TENM3: variants seen among roughly 807,000 people sequenced by gnomAD.
The protein encoded by TENM3 is teneurin transmembrane protein 3, also known as teneurin-3.
In TENM3, 63 loss-of-function variants were observed where a neutral mutation model predicts 255.1. That is an observed-to-expected ratio of 0.25 (90% confidence interval 0.20 to 0.30). The LOEUF is 0.30. Ranked by LOEUF, TENM3 falls within the 10% of genes least tolerant of loss-of-function variation. The pLI, the probability that TENM3 is intolerant of heterozygous loss-of-function variation, is 1.00. For synonymous variants in TENM3, 1,306 were observed against 1,322.3 expected, an observed-to-expected ratio of 0.99 and a Z score of 0.27; for missense variants, 2,929 against 3,461.1, an observed-to-expected ratio of 0.85 and a Z score of 3.86.
the TENM3 span, among the ~76,000 whole-genome samples, chr4:182,013,758 T>G: frequency 6.6e-6 from 1 of 152,000 alleles, no homozygotes; most frequent in Non-Finnish European, 1.5e-5. Context: ...TACATTTATA[T>G]TTTCATTTGA....
chr4:182,691,201 A>C (rs1205467815), intron 12 of TENM3, among the ~76,000 whole-genome samples: 3 of 152,226 alleles, frequency 2.0e-5, no homozygotes, highest in African/African-American at 7.2e-5. Flanking sequence ...GTGTTTTCTC[A>C]CTTGGGATGG....
intron 11 of TENM3, among the ~76,000 whole-genome samples, chr4:182,682,411 C>T (rs1561103073): frequency 6.6e-6 from 1 of 152,100 alleles, no homozygotes; most frequent in Non-Finnish European, 1.5e-5. Flanking sequence ...TAAGGCTAAA[C>T]ATCACAGTAA....
intron 4 of TENM3, among the ~76,000 whole-genome samples, chr4:182,612,009 T>G (rs920236163): frequency 6.6e-6 from 1 of 152,098 alleles, no homozygotes; most frequent in Non-Finnish European, 1.5e-5. Context: ...GGCTCATGCC[T>G]GAATTCCCAG....
intron 3 of TENM3, among the ~76,000 whole-genome samples, chr4:182,359,656 G>C (rs4862041): frequency 0.68 from 87,892 of 129,204 alleles, 31,803 homozygotes; most frequent in East Asian, 0.95. Flanking sequence ...TTTGTTGATT[G>C]TTTCAAAAAA....
At chr4:182,066,768 G>A in the TENM3 span, among the ~76,000 whole-genome samples, 17 of 151,860 alleles carry the variant, frequency 1.1e-4, no homozygotes, top group South Asian at 4.2e-4. Context: ...AAAATTAGCC[G>A]GGCGTGGTGG....
the TENM3 span, among the ~76,000 whole-genome samples, chr4:181,868,686 T>C: frequency 6.6e-6 from 1 of 152,334 alleles, no homozygotes. Flanking sequence ...ACTGATTAAA[T>C]TGGTAATTAA....
intron 1 of TENM3, among the ~76,000 whole-genome samples, chr4:182,314,051 G>T (rs1762600903): frequency 6.6e-6 from 1 of 152,136 alleles, no homozygotes; most frequent in African/African-American, 2.4e-5. Context: ...GGTGGCTCAT[G>T]CCTGTAATCC....
intron 3 of TENM3, among the ~76,000 whole-genome samples, chr4:182,526,392 T>C (rs1349496592): frequency 6.6e-6 from 1 of 152,152 alleles, no homozygotes; most frequent in Non-Finnish European, 1.5e-5. Context: ...AGTAGTGCTG[T>C]ACATAGTCTA....
Position 182,679,769 on chromosome 4 carries a change from T to G in TENM3, c.1430T>G (p.Leu477Arg). 1 of 1,613,986 alleles carries G rather than the reference T, an allele frequency of 6.2e-7. No individual in the cohort carries two copies. The change falls in exon 8 of 28, where the codon CTT (leucine) becomes CGT (arginine). Residue 477 changes from leucine (L) to arginine (R), a missense_variant. Leu to Arg is a moderately radical substitution (Grantham distance 102). Around this residue, in one of 6 missense-constraint regions of TENM3, gnomAD observed 1,608 missense variants for 1,884.4 expected, o/e 0.85. Transcript: ENST00000511685. ...GGGCGGCAGGCGAGATCCGTCAGCC[T>G]TCATGAGGCCGGCTTTATCCAGTAC... The part of the protein sequence containing the change: ...RAGRQARSVS[L>R]HEAGFIQYLD...
the TENM3 span, among the ~76,000 whole-genome samples, chr4:182,100,784 C>T: frequency 7.6e-4 from 8 of 10,502 alleles, no homozygotes; most frequent in Non-Finnish European, 8.3e-4. Flanking sequence ...CATATATATA[C>T]ACATATATAT....
chr4:182,346,068 T>TATACATAC (rs60234584), intron 2 of TENM3, among the ~76,000 whole-genome samples: 9,914 of 149,310 alleles, frequency 0.066, 343 homozygotes, highest in African/African-American at 0.074. Flanking sequence ...CACACACATA[T>TATACATAC]ATACATACAT....
At chr4:182,458,704 T>C (rs2124985) in intron 3 of TENM3, among the ~76,000 whole-genome samples, 119,516 of 152,162 alleles carry the variant, frequency 0.79, 47,844 homozygotes, top group East Asian at 0.95. Flanking sequence ...ACTGGGTTAG[T>C]TTATTTTTCC....
intron 6 of TENM3, among the ~76,000 whole-genome samples, chr4:182,663,124 C>T (rs1398933379): frequency 6.6e-6 from 1 of 151,774 alleles, no homozygotes; most frequent in East Asian, 1.9e-4. Context: ...CATTCTAAGA[C>T]TGTAATTCAG....
chr4:182,516,564 T>A (rs1281417558), intron 3 of TENM3, among the ~76,000 whole-genome samples: 14 of 152,200 alleles, frequency 9.2e-5, no homozygotes, highest in Admixed American at 9.2e-4. Context: ...TTTCCCATTA[T>A]TTCATAAAGT....
At chr4:182,020,578 G>T in the TENM3 span, among the ~76,000 whole-genome samples, 14 of 152,190 alleles carry the variant, frequency 9.2e-5, no homozygotes, top group East Asian at 2.3e-3. Context: ...AAATGAGAAA[G>T]ATTTGAGATG....
the TENM3 span, among the ~76,000 whole-genome samples, chr4:181,577,209 A>AT: frequency 1.5e-4 from 20 of 129,318 alleles, no homozygotes; most frequent in Admixed American, 4.4e-4. Flanking sequence ...ATATATATAT[A>AT]TTTTTTTTTT....
chr4:182,202,682 A>G (rs1754270859), intron 1 of TENM3, among the ~76,000 whole-genome samples: 1 of 152,156 alleles, frequency 6.6e-6, no homozygotes, highest in East Asian at 1.9e-4. Flanking sequence ...AGTGAGGCAC[A>G]GGGGATCTTG....
chr4:182,430,133 G>A (rs1771510158), intron 3 of TENM3, among the ~76,000 whole-genome samples: 1 of 152,058 alleles, frequency 6.6e-6, no homozygotes, highest in East Asian at 1.9e-4. Context: ...GGCAGCAGGT[G>A]GAAAAAACAT....
chr4:182,087,439 A>G, the TENM3 span, among the ~76,000 whole-genome samples: 2 of 152,202 alleles, frequency 1.3e-5, no homozygotes, highest in Admixed American at 6.5e-5. Context: ...ACGAAGGCAC[A>G]TGGTATACCA....
Sources: allele counts gnomAD v4.1 joint callset (sites outside exome capture counted in the v4.1 genomes callset), GRCh38; gene constraint gnomAD v4.1.1; regional missense constraint gnomAD v4.1.1; transcripts MANE v1.5; gene names NCBI Gene and HGNC (gene_info 2026-07-23, HGNC 2026-07-21).